ZBTB16: variants seen among roughly 807,000 people sequenced by gnomAD.
ZBTB16 encodes the protein zinc finger and BTB domain-containing protein 16.
Under a neutral mutation model 56.8 loss-of-function variants are expected in ZBTB16, and 8 were observed. That is an observed-to-expected ratio of 0.14 (90% confidence interval 0.08 to 0.25). The LOEUF (loss-of-function observed/expected upper bound fraction) is 0.25. ZBTB16 is among the 10% of genes least tolerant of loss of function. The probability of loss-of-function intolerance (pLI) is 1.00; values close to 1 mark genes in which losing one functional copy is unlikely to be tolerated. For synonymous variants in ZBTB16, 363 were observed against 368.5 expected, an observed-to-expected ratio of 0.98 and a Z score of 0.17; for missense variants, 625 against 903.0, an observed-to-expected ratio of 0.69 and a Z score of 3.95.
chr11:114,189,547 T>C (rs634575), intron 4 of ZBTB16: 93,373 of 152,076 alleles, frequency 0.61, 29,610 homozygotes, highest in African/African-American at 0.77. Flanking sequence ...AGGCAGATCA[T>C]GAGGTCAGGA....
At chr11:114,162,225 C>T (rs1309351391) in intron 3 of ZBTB16, among the ~76,000 whole-genome samples, 3 of 152,196 alleles carry the variant, frequency 2.0e-5, no homozygotes, top group African/African-American at 4.8e-5. Context: ...TTTCCTCTGT[C>T]GCGGTTGGAC....
At chr11:114,197,333 C>T (rs1943632853) in intron 4 of ZBTB16, among the ~76,000 whole-genome samples, 1 of 152,112 alleles carries the variant, frequency 6.6e-6, no homozygotes. Context: ...CTCTGCCCTT[C>T]CCTTCTAGCA....
intron 2 of ZBTB16, among the ~76,000 whole-genome samples, chr11:114,109,519 G>A (rs1201072075): frequency 2.0e-5 from 3 of 152,174 alleles, no homozygotes; most frequent in Non-Finnish European, 4.4e-5. Flanking sequence ...AGGCCGAGAT[G>A]TTTTGCATAG....
At chr11:114,249,504 G>T (rs1944878274) in intron 6 of ZBTB16, among the ~76,000 whole-genome samples, 1 of 130,442 alleles carries the variant, frequency 7.7e-6, no homozygotes. Context: ...GGTGGCTCAC[G>T]CCTGTAATCC....
chr11:114,114,688 T>C (rs1016317619), intron 2 of ZBTB16, among the ~76,000 whole-genome samples: 1 of 151,766 alleles, frequency 6.6e-6, no homozygotes, highest in African/African-American at 2.4e-5. Context: ...TTTTCTTTTT[T>C]TTTTTTTTTG....
chr11:114,207,551 C>T (rs1159374298), intron 4 of ZBTB16, among the ~76,000 whole-genome samples: 1 of 151,854 alleles, frequency 6.6e-6, no homozygotes, highest in Admixed American at 6.6e-5. Flanking sequence ...CACTAACCCC[C>T]ACACTCTCAT....
At chr11:114,182,926 GA>G (rs1429550145) in intron 3 of ZBTB16, among the ~76,000 whole-genome samples, 1 of 152,166 alleles carries the variant, frequency 6.6e-6, no homozygotes, top group Middle Eastern at 3.2e-3. Flanking sequence ...AAAGCTTGGC[GA>G]GGAAATTTAT....
chr11:114,109,198 C>T (rs142443636), intron 2 of ZBTB16, among the ~76,000 whole-genome samples: 1 of 152,334 alleles, frequency 6.6e-6, no homozygotes, highest in East Asian at 1.9e-4. Flanking sequence ...AGTAGCTCTC[C>T]ATCTGAATGT....
chr11:114,184,954 G>A (rs1004799907), intron 3 of ZBTB16, among the ~76,000 whole-genome samples: 5 of 152,078 alleles, frequency 3.3e-5, no homozygotes, highest in Admixed American at 2.6e-4. Context: ...TGGGAGGATC[G>A]CTTGAGCCCA....
At chr11:114,155,209 G>C (rs1026847482) in intron 2 of ZBTB16, among the ~76,000 whole-genome samples, 1 of 152,238 alleles carries the variant, frequency 6.6e-6, no homozygotes, top group African/African-American at 2.4e-5. Flanking sequence ...TGGCTGCCAC[G>C]CCTGCCCTGT....
At chr11:114,088,939 T>A (rs900367790) in intron 2 of ZBTB16, among the ~76,000 whole-genome samples, 2 of 152,178 alleles carry the variant, frequency 1.3e-5, no homozygotes, top group African/African-American at 4.8e-5. Flanking sequence ...AATGCCTGAT[T>A]GTGCAGGCAT....
At chr11:114,241,958 C>T (rs1203439613) in intron 4 of ZBTB16, among the ~76,000 whole-genome samples, 2 of 152,198 alleles carry the variant, frequency 1.3e-5, no homozygotes, top group African/African-American at 4.8e-5. Context: ...GCTTTAGCTT[C>T]CAGAGCTCGG....
At chr11:114,161,495 T>C (rs920190272) in intron 3 of ZBTB16, among the ~76,000 whole-genome samples, 12 of 152,144 alleles carry the variant, frequency 7.9e-5, no homozygotes, top group African/African-American at 2.6e-4. Flanking sequence ...AAGATGGTAA[T>C]GTGTGCAAAG....
At position 114,210,197 on chromosome 11, in the gene ZBTB16, G is replaced by GCGCA. The variant is rs1555155997; in HGVS notation, c.1453+23162_1453+23163insACGC. On this transcript the variant is annotated intron_variant, in intron 4 of 6. Transcript: ENST00000335953. Reference sequence around the variant, plus strand: ...TGTGTGTGTGTGTGTGTGTGTGCGTGCGCGCGCGTGCACAGTTTGTGAGTG... The same window carrying GCGCA: ...TGTGTGTGTGTGTGTGTGTGTGCGTGCGCACGCGCGCGTGCACAGTTTGTGAGTG... 1.1e-4 allele frequency among the ~76,000 whole-genome samples: 16 copies of GCGCA among 151,096 alleles called. No homozygotes were observed. In the East Asian group the frequency reaches 2.9e-3, roughly 28 times the overall value.
chr11:114,154,272 G>C (rs1942349046), intron 2 of ZBTB16, among the ~76,000 whole-genome samples: 1 of 152,120 alleles, frequency 6.6e-6, no homozygotes, highest in South Asian at 2.1e-4. Flanking sequence ...CCTCTTGACA[G>C]CCACCCTTCA....
intron 5 of ZBTB16, among the ~76,000 whole-genome samples, chr11:114,244,041 G>A (rs1226163015): frequency 5.9e-5 from 9 of 152,082 alleles, no homozygotes; most frequent in Non-Finnish European, 4.4e-5. Context: ...TCACACCAGC[G>A]AGGCACTGCG....
chr11:114,201,215 T>G (rs944245105), intron 4 of ZBTB16, among the ~76,000 whole-genome samples: 8 of 151,912 alleles, frequency 5.3e-5, no homozygotes, highest in African/African-American at 1.7e-4. Flanking sequence ...GCAGGGTAAG[T>G]AGAGGTACCC....
At chr11:114,109,195 C>T (rs768498624) in intron 2 of ZBTB16, among the ~76,000 whole-genome samples, 6 of 152,350 alleles carry the variant, frequency 3.9e-5, no homozygotes, top group South Asian at 4.1e-4. Context: ...TTCAGTAGCT[C>T]TCCATCTGAA....
intron 2 of ZBTB16, among the ~76,000 whole-genome samples, chr11:114,075,698 C>T (rs1386833153): frequency 1.5e-4 from 22 of 151,202 alleles, no homozygotes; most frequent in South Asian, 2.1e-4. Flanking sequence ...CTTGAACTCC[C>T]GACCTCAGGT....
Sources: allele counts gnomAD v4.1 joint callset (sites outside exome capture counted in the v4.1 genomes callset), GRCh38; gene constraint gnomAD v4.1.1; transcripts MANE v1.5; gene names NCBI Gene and HGNC (gene_info 2026-07-23, HGNC 2026-07-21).